The following CDK14 variants were observed in gnomAD, a reference collection of about 807,000 sequenced individuals.
The protein encoded by CDK14 is cyclin dependent kinase 14, also known as cyclin-dependent kinase 14.
In CDK14, 34 loss-of-function variants were observed where a neutral mutation model predicts 60.7. The ratio of observed to expected loss-of-function variants is 0.56; its 90% CI spans 0.43 to 0.75. The LOEUF is 0.75. Ranked by LOEUF, CDK14 falls within the 30% of genes least tolerant of loss-of-function variation. The pLI is 0.00. For synonymous variants in CDK14, 197 were observed against 203.7 expected (o/e 0.97, Z 0.28); for missense variants, 482 against 564.1 (o/e 0.85, Z 1.47).
chr7:91,061,192 C>T lies in CDK14; in HGVS notation c.1105+15232C>T, dbSNP rs138748310. Reference sequence around the variant, plus strand: ...TACCCTTTCTTCCAGTTGATCGAATCGGCTACTGAGGCTTGTGCATTCGTC... The same window carrying T: ...TACCCTTTCTTCCAGTTGATCGAATTGGCTACTGAGGCTTGTGCATTCGTC... On this transcript the variant is annotated intron_variant, in intron 11 of 14. Coordinates refer to ENST00000380050, the MANE Select transcript of CDK14 (RefSeq NM_001287135.2). Among the ~76,000 whole-genome samples the T allele has an allele frequency of 8.1e-3, 1,235 of 152,300 alleles. 12 individuals carry two copies. Among genetic ancestry groups the T allele is most frequent in the African/African-American group, 0.028 (1,164 of 41,574 alleles).
At chr7:91,087,335 A>G (rs1164192824) in intron 12 of CDK14, among the ~76,000 whole-genome samples, 2 of 152,154 alleles carry the variant, frequency 1.3e-5, no homozygotes, top group Non-Finnish European at 2.9e-5. Context: ...AATAAATAGT[A>G]TTGACATAGC....
chr7:91,166,674 G>A (rs1401278849), intron 14 of CDK14, among the ~76,000 whole-genome samples: 1 of 152,170 alleles, frequency 6.6e-6, no homozygotes, highest in Non-Finnish European at 1.5e-5. Flanking sequence ...TTATTCATAA[G>A]GCCCCTGAGT....
intron 13 of CDK14, among the ~76,000 whole-genome samples, chr7:91,117,841 G>A (rs1241798034): frequency 6.6e-6 from 1 of 152,112 alleles, no homozygotes; most frequent in African/African-American, 2.4e-5. Flanking sequence ...AAATGTGGGA[G>A]ATAGTCTGAG....
intron 9 of CDK14, among the ~76,000 whole-genome samples, chr7:90,969,557 T>C (rs3808271): frequency 0.75 from 113,645 of 152,110 alleles, 42,554 homozygotes; most frequent in East Asian, 0.78. Context: ...CCTTAAAATA[T>C]GACTTCCTTG....
rs1357402624 is a variant in CDK14, at chr7:90,726,797, C to T, written c.354C>T (p.His118=). ...AAGAGTCACCTAAAGTTAGGCGGCA[C>T]TCCAGCCCCAGCTCGGTAAGTGCAG... ...TGKESPKVRR[H]SSPSSPTSPK... Residue 118 remains histidine, a synonymous_variant, in exon 3 of 15, where the codon CAC becomes CAT. Coordinates refer to ENST00000380050, the MANE Select transcript of CDK14 (RefSeq NM_001287135.2). The T allele has an allele frequency of 6.2e-6, 10 of 1,613,438 alleles. No individual in the cohort carries two copies. The highest frequency in any genetic ancestry group is 1.7e-5 in the Admixed American group (1 of 59,940).
chr7:91,204,542 AAAG>A lies in CDK14; in HGVS notation c.*29-2620_*29-2618del, dbSNP rs1802823971. 3.3e-5 allele frequency among the ~76,000 whole-genome samples: 5 copies of A among 152,366 alleles called. No homozygotes were observed. The South Asian group carries it at 1.0e-3, about 32-fold the overall frequency. On this transcript the variant is annotated intron_variant, in intron 14 of 14. Transcript: ENST00000380050. ...CTATAAGGGATTAACCAGAATGTGT[AAAG>A]AACTCCTACAACTCAACAACGAAAA...
chr7:90,785,786 C>CAAA (rs34034860), intron 4 of CDK14, among the ~76,000 whole-genome samples: 10 of 45,902 alleles, frequency 2.2e-4, no homozygotes, highest in African/African-American at 5.3e-4. Context: ...GACTCCGTCT[C>CAAA]AAAAAAAAAA....
At chr7:90,923,360 C>T (rs560901134) in intron 8 of CDK14, among the ~76,000 whole-genome samples, 20 of 152,284 alleles carry the variant, frequency 1.3e-4, no homozygotes, top group Admixed American at 6.5e-5. Context: ...CTGCCCATTT[C>T]GGCCTCCCAA....
intron 14 of CDK14, among the ~76,000 whole-genome samples, chr7:91,125,998 A>G (rs1462414633): frequency 1.3e-5 from 2 of 152,188 alleles, no homozygotes; most frequent in Non-Finnish European, 2.9e-5. Context: ...CAATTAAATC[A>G]TGTACAGTAT....
chr7:90,596,692 C>G lies in CDK14; in HGVS notation c.65C>G (p.Thr22Ser), dbSNP rs749371723. 2 of 1,612,010 alleles carry G rather than the reference C, an allele frequency of 1.2e-6. No homozygotes were observed. The highest frequency in any genetic ancestry group is 1.7e-6 in the Non-Finnish European group (2 of 1,179,378). The change falls in exon 1 of 15, where the codon ACT (threonine) becomes AGT (serine). Residue 22 changes from threonine to serine, a missense_variant. By Grantham distance (58) the Thr-to-Ser change is moderately conservative. Coordinates refer to ENST00000380050, the MANE Select transcript of CDK14 (RefSeq NM_001287135.2). ...KIGKMKKLRR[T>S]LSESFSRIAL... ...GGCAAGATGAAGAAGTTGCGGAGAACTTTGTCGGAGAGTTTCAGTCGCATT... is the reference window on the plus strand; with the variant it reads ...GGCAAGATGAAGAAGTTGCGGAGAAGTTTGTCGGAGAGTTTCAGTCGCATT...
chr7:90,984,068 G>T, intron 9 of CDK14, 80 bp from the exon 10 acceptor site: 1 of 881,880 alleles, frequency 1.1e-6, no homozygotes. Context: ...TTCTGTAGGA[G>T]TGGATATTCT....
chr7:90,719,754 CT>C lies in CDK14; in HGVS notation c.124-6808del, dbSNP rs138799936. Among the ~76,000 whole-genome samples, 615 of 152,198 alleles carry C rather than the reference CT, an allele frequency of 4.0e-3. 10 individuals carry two copies. The highest frequency in any genetic ancestry group is 0.014 in the African/African-American group (590 of 41,556). On this transcript the variant is annotated intron_variant, in intron 2 of 14. Transcript: ENST00000380050. ...ATTTTGGTATTTGTGATGATTTCTT[CT>C]TTTTATATGTTTTCGAATACCAGGA... is the stretch of plus-strand genomic sequence containing the variant.
intron 14 of CDK14, among the ~76,000 whole-genome samples, chr7:91,175,551 A>T (rs1458889866): frequency 6.6e-6 from 1 of 152,106 alleles, no homozygotes; most frequent in Admixed American, 6.6e-5. Context: ...AGTGTGCTGT[A>T]TTCAGGAAAC....
At chr7:90,836,295 C>T (rs1353147640) in intron 5 of CDK14, among the ~76,000 whole-genome samples, 1 of 152,030 alleles carries the variant, frequency 6.6e-6, no homozygotes. Flanking sequence ...CCTAGATGTA[C>T]AAAAAATATC....
chr7:90,837,587 T>C (rs1311378717), intron 5 of CDK14, among the ~76,000 whole-genome samples: 1 of 152,222 alleles, frequency 6.6e-6, no homozygotes, highest in Non-Finnish European at 1.5e-5. Context: ...CCTCTGCTTT[T>C]ATAATCAAAG....
intron 5 of CDK14, among the ~76,000 whole-genome samples, chr7:90,834,468 G>T (rs953265986): frequency 1.3e-5 from 2 of 152,148 alleles, no homozygotes; most frequent in African/African-American, 4.8e-5. Flanking sequence ...TGAAAGATGA[G>T]ATTTTATTAG....
chr7:90,739,200 C>T (rs1238853364), intron 3 of CDK14, among the ~76,000 whole-genome samples: 1 of 152,166 alleles, frequency 6.6e-6, no homozygotes, highest in African/African-American at 2.4e-5. Context: ...TCCACAATGT[C>T]TACCTGTCAG....
At chr7:90,941,728 A>G (rs1034101409) in intron 8 of CDK14, among the ~76,000 whole-genome samples, 6 of 152,050 alleles carry the variant, frequency 3.9e-5, no homozygotes, top group East Asian at 1.9e-4. Context: ...AGCTGAGAAT[A>G]CAGGTGCATG....
chr7:91,114,843 A>G (rs1029479139), intron 13 of CDK14, among the ~76,000 whole-genome samples: 2 of 152,198 alleles, frequency 1.3e-5, no homozygotes, highest in Non-Finnish European at 2.9e-5. Context: ...CTGTACTTGT[A>G]AACATGTTTA....
Sources: gnomAD v4.1 joint callset for allele counts (sites outside exome capture counted in the v4.1 genomes callset) on GRCh38, gnomAD v4.1.1 for gene constraint, MANE v1.5 for transcripts, NCBI Gene and HGNC (gene_info 2026-07-23, HGNC 2026-07-21) for gene names.